HMGCLL1: variants seen among roughly 807,000 people sequenced by gnomAD.
HMGCLL1 encodes the protein 3-hydroxy-3-methylglutaryl-CoA lyase like 1, also known as 3-hydroxymethyl-3-methylglutaryl-CoA lyase, cytoplasmic.
Under a neutral mutation model 39.1 loss-of-function variants are expected in HMGCLL1, and 36 were observed. The observed-to-expected ratio is 0.92, with a 90% CI of 0.71 to 1.22. HMGCLL1 has a LOEUF of 1.22. Among genes scored for constraint, HMGCLL1 ranks in the 50% most tolerant of loss-of-function variants. The pLI, the probability that HMGCLL1 is intolerant of heterozygous loss-of-function variation, is 0.00. For missense variants in HMGCLL1, 451 were observed against 416.5 expected, an observed-to-expected ratio of 1.08 and a Z score of -0.72; for synonymous variants, 149 against 144.0, an observed-to-expected ratio of 1.03 and a Z score of -0.25.
In HMGCLL1 at chr6:55,516,525, G is replaced by A. The variant is rs1260084051; in HGVS notation, c.376C>T (p.Gln126Ter). 1 of 1,595,226 alleles carries A rather than the reference G, an allele frequency of 6.3e-7. No homozygotes were observed. Among genetic ancestry groups the A allele is most frequent in the Non-Finnish European group, 8.6e-7 (1 of 1,167,150 alleles). The change falls in exon 4 of 9, where the codon CAG (glutamine) becomes TAG (stop). Residue 126 changes from glutamine (Q) to a stop codon, truncating the protein, a stop_gained. Transcript: ENST00000274901. LOFTEE classifies it high-confidence loss of function. ...ACACTTACAGCATGGTGAAAACCCT[G>A]AAGATTAGGAGTAAGGACAGGATAG... ...VRYPVLTPNL[Q>*]GFHHAVAAGA...
chr6:55,589,957 C>T, the HMGCLL1 span, among the ~76,000 whole-genome samples: 7 of 152,082 alleles, frequency 4.6e-5, no homozygotes, highest in African/African-American at 7.2e-5. Flanking sequence ...GAATCAATAT[C>T]GTGAAAATGG....
At chr6:55,589,553 G>A in the HMGCLL1 span, among the ~76,000 whole-genome samples, 1 of 152,140 alleles carries the variant, frequency 6.6e-6, no homozygotes, top group Non-Finnish European at 1.5e-5. Flanking sequence ...TCTGGCCAGG[G>A]CAATTAGGCA....
the HMGCLL1 span, among the ~76,000 whole-genome samples, chr6:55,601,627 A>G: frequency 6.6e-6 from 1 of 152,154 alleles, no homozygotes; most frequent in Non-Finnish European, 1.5e-5. Context: ...TCAGTCTACC[A>G]CACAAGGATT....
intron 7 of HMGCLL1, 152 bp downstream of exon 7, chr6:55,495,267 T>G (rs1370118051): frequency 5.2e-6 from 3 of 574,796 alleles, no homozygotes; most frequent in Non-Finnish European, 8.8e-6. Flanking sequence ...TTGACAAATA[T>G]TTCCCAAGTG....
In HMGCLL1 at chr6:55,577,361, T is replaced by G. The variant is rs187844951; in HGVS notation, c.108+1587A>C. Among the ~76,000 whole-genome samples, 70 of 151,190 alleles carry G rather than the reference T, an allele frequency of 4.6e-4. No individual in the cohort carries two copies. In the East Asian group the frequency reaches 9.6e-3, roughly 21 times the overall value. ...GGCTGGACTAAAAAAAAAAAAAAAT[T>G]TAAAATCTGTACTTGAGAGACAAAT... On this transcript the variant is annotated intron_variant, in intron 1 of 8. Transcript: ENST00000274901.
At chr6:55,669,697 A>T in the HMGCLL1 span, among the ~76,000 whole-genome samples, 1 of 151,898 alleles carries the variant, frequency 6.6e-6, no homozygotes, top group Non-Finnish European at 1.5e-5. Context: ...GAAATGAAAA[A>T]TTCAATAACC....
rs771059757 is a variant in HMGCLL1, at chr6:55,551,743, AT to A, written c.109-9604del. On this transcript the variant is annotated intron_variant, in intron 1 of 8. Transcript: ENST00000274901. Reference sequence around the variant, plus strand: ...ACTAAGCTACCATAAATAAACCCCAATTGTAGCTTCTGTCCCAGTTGCAGTA... The same window carrying A: ...ACTAAGCTACCATAAATAAACCCCAATGTAGCTTCTGTCCCAGTTGCAGTA... Among the ~76,000 whole-genome samples the A allele has an allele frequency of 2.2e-4, 34 of 152,152 alleles. 1 individual carries two copies. Among genetic ancestry groups the A allele is most frequent in the Admixed American group, 1.9e-3 (29 of 15,282 alleles).
chr6:55,522,008 T>C (rs914081532), intron 3 of HMGCLL1, among the ~76,000 whole-genome samples: 1 of 152,024 alleles, frequency 6.6e-6, no homozygotes, highest in Non-Finnish European at 1.5e-5. Flanking sequence ...GAAACAGCCT[T>C]ATTGCTGAAA....
intron 1 of HMGCLL1, among the ~76,000 whole-genome samples, chr6:55,554,143 T>C (rs1327130249): frequency 1.3e-5 from 2 of 152,114 alleles, no homozygotes; most frequent in Admixed American, 6.6e-5. Flanking sequence ...GCACAGCTAG[T>C]TACTTGTTAG....
chr6:55,445,632 C>G (rs1000007559), intron 7 of HMGCLL1, among the ~76,000 whole-genome samples: 3 of 151,258 alleles, frequency 2.0e-5, no homozygotes, highest in Non-Finnish European at 4.4e-5. Context: ...TCACTACTTT[C>G]AGACTCAGGT....
chr6:55,618,967 T>C, the HMGCLL1 span, among the ~76,000 whole-genome samples: 2 of 152,050 alleles, frequency 1.3e-5, no homozygotes, highest in East Asian at 1.9e-4. Flanking sequence ...CAACTTTTCT[T>C]AGGAAGTTAC....
intron 3 of HMGCLL1, among the ~76,000 whole-genome samples, chr6:55,532,975 C>T (rs956818739): frequency 1.3e-5 from 2 of 151,346 alleles, no homozygotes; most frequent in East Asian, 3.9e-4. Context: ...TATGTGGTAA[C>T]AGTAGCAATG....
chr6:55,440,620 G>A (rs570127045), intron 7 of HMGCLL1, among the ~76,000 whole-genome samples: 11 of 152,108 alleles, frequency 7.2e-5, no homozygotes, highest in African/African-American at 2.4e-4. Flanking sequence ...AGCCTAATCC[G>A]ATTCTTCACT....
chr6:55,671,877 T>C, the HMGCLL1 span, among the ~76,000 whole-genome samples: 1 of 151,784 alleles, frequency 6.6e-6, no homozygotes, highest in Non-Finnish European at 1.5e-5. Flanking sequence ...TATTACACAA[T>C]ATAATTTTTA....
chr6:55,546,415 A>T (rs1443798595), intron 1 of HMGCLL1, among the ~76,000 whole-genome samples: 2 of 152,060 alleles, frequency 1.3e-5, no homozygotes, highest in Non-Finnish European at 2.9e-5. Context: ...AGAGTTATCA[A>T]AATGGATACA....
At chr6:55,487,680 T>A (rs945750030) in intron 7 of HMGCLL1, among the ~76,000 whole-genome samples, 5 of 152,118 alleles carry the variant, frequency 3.3e-5, no homozygotes, top group African/African-American at 1.2e-4. Context: ...CCACATTTTC[T>A]TAATCCAGTC....
At chr6:55,451,371 C>T (rs1393256250) in intron 7 of HMGCLL1, among the ~76,000 whole-genome samples, 1 of 151,994 alleles carries the variant, frequency 6.6e-6, no homozygotes, top group African/African-American at 2.4e-5. Flanking sequence ...ACCTGTAATC[C>T]CAGCACTTTG....
At chr6:55,491,658 C>T (rs1013204717) in intron 7 of HMGCLL1, among the ~76,000 whole-genome samples, 4 of 152,004 alleles carry the variant, frequency 2.6e-5, no homozygotes, top group Non-Finnish European at 4.4e-5. Flanking sequence ...TGTTAATTGG[C>T]CTTTTACTTA....
upstream of HMGCLL1, among the ~76,000 whole-genome samples, chr6:55,582,650 A>G (rs566153804): frequency 7.0e-4 from 107 of 152,244 alleles, no homozygotes; most frequent in African/African-American, 2.5e-3. Flanking sequence ...TATCACTCTA[A>G]TTATGTTTCT....
Sources: allele counts gnomAD v4.1 joint callset (sites outside exome capture counted in the v4.1 genomes callset), GRCh38; gene constraint gnomAD v4.1.1; transcripts MANE v1.5; gene names NCBI Gene and HGNC (gene_info 2026-07-23, HGNC 2026-07-21).